The following SEZ6L2 variants were observed in gnomAD, a reference collection of about 807,000 sequenced individuals.
The protein encoded by SEZ6L2 is seizure related 6 homolog like 2, also known as seizure 6-like protein 2.
SEZ6L2 carries 44 observed loss-of-function variants against 97.0 expected under a neutral mutation model. The ratio of observed to expected loss-of-function variants is 0.45; its 90% confidence interval spans 0.36 to 0.58. The LOEUF (loss-of-function observed/expected upper bound fraction) is 0.58. SEZ6L2 is among the 20% of genes least tolerant of loss of function. SEZ6L2 has a pLI of 0.00. For missense variants in SEZ6L2, 1,086 were observed against 1,233.3 expected (o/e 0.88, Z 1.79); for synonymous variants, 543 against 546.1 (o/e 0.99, Z 0.08).
rs556364210 is a variant in SEZ6L2 at position 29,899,110 on chromosome 16, G to GTTT, written c.-94_-92dup. The stretch of plus-strand genomic sequence containing the variant: ...TCTCCGTTTATCTTTCCCTTTAATT[G>GTTT]TTTTTTTTTTTTTTTTTTTTTTCCT... On this transcript the variant is annotated 5_prime_UTR_variant, in exon 1 of 18. Transcript: ENST00000617533. 7.5e-4 allele frequency: 377 copies of GTTT among 500,754 alleles called. No homozygotes were observed. Among genetic ancestry groups the GTTT allele is most frequent in the South Asian group, 1.7e-3 (84 of 48,680 alleles). The allele number at this position is 500,754 out of a possible 1,614,324, so 31.0% of individuals were successfully genotyped here. A position where few individuals can be genotyped will look rare whatever the true frequency, so the allele number is the denominator to read the frequency against.
intron 10 of SEZ6L2, 43 bp downstream of exon 10, chr16:29,878,244 C>T (rs770186804): frequency 6.6e-7 from 1 of 1,524,818 alleles, no homozygotes; most frequent in Non-Finnish European, 8.9e-7. Context: ...CCACACTTTG[C>T]TGAGCCTACA....
chr16:29,899,056 T>C lies in SEZ6L2; in HGVS notation c.-37A>G. Reference sequence around the variant, plus strand: ...CCGATCTCTCTCCTCTGTGCCTCTCTAAGTAATCTGGCTGCCACCTTTCCT... The same window carrying C: ...CCGATCTCTCTCCTCTGTGCCTCTCCAAGTAATCTGGCTGCCACCTTTCCT... On this transcript the variant is annotated 5_prime_UTR_variant, in exon 1 of 18. Transcript: ENST00000617533. The C allele has an allele frequency of 6.8e-7, 1 of 1,466,506 alleles. No homozygotes were observed. The highest frequency in any genetic ancestry group is 9.4e-7 in the Non-Finnish European group (1 of 1,062,198). The allele number at this position is 1,466,506 out of a possible 1,614,324, so 90.8% of individuals were successfully genotyped here.
rs757724567 is a variant in SEZ6L2 at position 29,896,950 on chromosome 16, C to T, written c.383G>A (p.Gly128Glu). 31 of 1,599,284 alleles carry T rather than the reference C, an allele frequency of 1.9e-5. No individual in the cohort carries two copies. In the South Asian group the frequency reaches 3.1e-4, roughly 16 times the overall value. ...GCTGGGTGGGGGTGGGGCTGTGGTT[C>T]CTGGGGGCGGGGTCAGCAGTTCTGG... ...TAPELLTPPPGTTAPPPPSPA... is the reference protein window; with the variant it reads ...TAPELLTPPPETTAPPPPSPA... Residue 128 changes from glycine to glutamate, a missense_variant, in exon 3 of 18, where the codon GGA (glycine) becomes GAA (glutamate). Physicochemically the swap from Gly to Glu is moderately conservative, Grantham distance 98. Around this residue, in one of 2 missense-constraint regions of SEZ6L2, gnomAD observed 776 missense variants for 794.7 expected, o/e 0.98. Transcript: ENST00000617533.
At chr16:29,875,570 C>T (rs1398787156) in intron 12 of SEZ6L2, among the ~76,000 whole-genome samples, 1 of 152,154 alleles carries the variant, frequency 6.6e-6, no homozygotes, top group Admixed American at 6.5e-5. Context: ...ACTACAGCCC[C>T]ATGTCCTTGG....
Position 29,878,270 on chromosome 16 carries a change from G to T in SEZ6L2, c.1712+17C>A. The stretch of plus-strand genomic sequence containing the variant: ...TGAGCCTACACCCGTCGCACCCTCT[G>T]CAGGACCCAAACATACATCTCAACT... On this transcript the variant is annotated intron_variant, in intron 10 of 17. Coordinates refer to ENST00000617533, the MANE Select transcript of SEZ6L2 (RefSeq NM_001243332.2). 6.3e-7 allele frequency: 1 copy of T among 1,585,492 alleles called. No homozygotes were observed.
chr16:29,890,456 G>GC (rs1303692995), intron 5 of SEZ6L2, among the ~76,000 whole-genome samples: 3 of 152,150 alleles, frequency 2.0e-5, no homozygotes, highest in Admixed American at 2.0e-4. Context: ...TGACATTCAA[G>GC]CCCCTTCCAT....
intron 6 of SEZ6L2, among the ~76,000 whole-genome samples, chr16:29,888,263 C>A (rs2068190176): frequency 6.6e-6 from 1 of 152,084 alleles, no homozygotes; most frequent in Non-Finnish European, 1.5e-5. Context: ...GATGAGGACG[C>A]TACCCCAGAA....
intron 3 of SEZ6L2, 47 bp downstream of exon 3, chr16:29,896,775 T>C: frequency 2.6e-6 from 4 of 1,563,652 alleles, no homozygotes; most frequent in Non-Finnish European, 3.5e-6. Flanking sequence ...ATCCCCAGCG[T>C]GTACCTCTCC....
In SEZ6L2 at chr16:29,875,261, A is replaced by ACTT. The variant is rs551325521; in HGVS notation, c.2104+1492_2104+1494dup. On this transcript the variant is annotated intron_variant, in intron 12 of 17. Transcript: ENST00000617533. ...GCCCAGGGCTCAGGGCGGTCAAAGGACTTGGCCCATGGTCATTCAGCCAGG... is the reference window on the plus strand; with the variant it reads ...GCCCAGGGCTCAGGGCGGTCAAAGGACTTCTTGGCCCATGGTCATTCAGCCAGG... 5.5e-4 allele frequency among the ~76,000 whole-genome samples: 84 copies of ACTT among 152,272 alleles called. 1 individual carries two copies. The South Asian group carries it at 0.017, about 31-fold the overall frequency.
rs184350957 is a variant in SEZ6L2, at chr16:29,898,372, G to T, written c.80-388C>A. On this transcript the variant is annotated intron_variant, in intron 1 of 17. Coordinates refer to ENST00000617533, the MANE Select transcript of SEZ6L2 (RefSeq NM_001243332.2). ...GCCGCACCTCCCAGCCCTTGCTTCC[G>T]CAGTGCCTGGCTTTCTCTCTGGGTT... Among the ~76,000 whole-genome samples the T allele has an allele frequency of 7.2e-5, 11 of 152,106 alleles. No individual in the cohort carries two copies. In the South Asian group the frequency reaches 2.1e-3, roughly 29 times the overall value.
chr16:29,872,730 C>A lies in SEZ6L2; in HGVS notation c.2502G>T (p.Glu834Asp), dbSNP rs758349742. ...QPPLCKVAYEELLDNRKLEVT... is the reference protein window; with the variant it reads ...QPPLCKVAYEDLLDNRKLEVT... ...CTTCCAGTTTTCGGTTGTCCAGGAG[C>A]TCCTCATAGGCAACTGCAGGGAGAG... The change falls in exon 15 of 18, where the codon GAG (glutamate) becomes GAT (aspartate). Residue 834 changes from glutamate to aspartate, a missense_variant. This residue lies in a region of SEZ6L2 where 310 missense variants were observed against 438.6 expected (regional missense o/e 0.71). Coordinates refer to ENST00000617533, the MANE Select transcript of SEZ6L2 (RefSeq NM_001243332.2). The A allele has an allele frequency of 1.1e-5, 18 of 1,612,810 alleles. No homozygotes were observed. Among genetic ancestry groups the A allele is most frequent in the Non-Finnish European group, 1.4e-5 (17 of 1,179,758 alleles).
chr16:29,895,145 C>T, intron 5 of SEZ6L2, 114 bp downstream of exon 5: 1 of 919,382 alleles, frequency 1.1e-6, no homozygotes, highest in Non-Finnish European at 1.6e-6. Flanking sequence ...CGCCACTGAC[C>T]TCCAGTCTGG....
rs2067808589 is a variant in SEZ6L2, at chr16:29,872,616, C to T, written c.2527+89G>A. The T allele has an allele frequency of 2.5e-6, 4 of 1,597,608 alleles. No homozygotes were observed. In the South Asian group the frequency reaches 3.3e-5, roughly 13 times the overall value. Reference sequence around the variant, plus strand: ...GCCCTGGGCCTCAAACCCTGGGCTTCATCCCTCCAAGGCCTGGCCTCCTGC... The same window carrying T: ...GCCCTGGGCCTCAAACCCTGGGCTTTATCCCTCCAAGGCCTGGCCTCCTGC... On this transcript the variant is annotated intron_variant, in intron 15 of 17. Transcript: ENST00000617533.
In SEZ6L2 at chr16:29,872,199, C is replaced by T. The variant is rs1410840093; in HGVS notation, c.2730G>A (p.Leu910=). ...ITVESDFSNP[L]YEAGDTREYE... ...GCAAGGTGCTTACCCCAGCTTCATA[C>T]AGCGGGTTGCTGAAGTCCGACTCCA... Residue 910 remains leucine (L), a synonymous_variant, in exon 17 of 18, where the codon CTG becomes CTA. Transcript: ENST00000617533. 6.2e-7 allele frequency: 1 copy of T among 1,606,594 alleles called. No individual in the cohort carries two copies. The highest frequency in any genetic ancestry group is 8.5e-7 in the Non-Finnish European group (1 of 1,176,376).
At position 29,871,620 on chromosome 16, in the gene SEZ6L2, G is replaced by C. The variant is rs2067782036; in HGVS notation, c.*79C>G. On this transcript the variant is annotated 3_prime_UTR_variant, in exon 18 of 18. Coordinates refer to ENST00000617533, the MANE Select transcript of SEZ6L2 (RefSeq NM_001243332.2). ...CAGGGAGGAGGGCAGCCAGGAGGCA[G>C]AGACCGGGTCCCGTATTTCCCTCTG... 8 of 1,450,048 alleles carry C rather than the reference G, an allele frequency of 5.5e-6. No individual in the cohort carries two copies. In the South Asian group the frequency reaches 9.7e-5, roughly 18 times the overall value. The allele number at this position is 1,450,048 out of a possible 1,614,324, so 89.8% of individuals were successfully genotyped here. A position where few individuals can be genotyped will look rare whatever the true frequency, so the allele number is the denominator to read the frequency against.
At chr16:29,878,505 T>C (rs2067958528) in intron 9 of SEZ6L2, 80 bp from the exon 10 acceptor site, 17 of 1,274,730 alleles carry the variant, frequency 1.3e-5, no homozygotes, top group East Asian at 2.6e-5. Flanking sequence ...CCACTCGTGA[T>C]GCGTGCACCA....
intron 6 of SEZ6L2, 58 bp from the exon 7 acceptor site, chr16:29,887,875 G>C: frequency 1.3e-6 from 2 of 1,575,348 alleles, no homozygotes; most frequent in South Asian, 1.1e-5. Context: ...CCTTCTCCTC[G>C]GGGCCTCGGC....
At position 29,873,461 on chromosome 16, in the gene SEZ6L2, C is replaced by T; in HGVS notation, c.2297-30G>A. On this transcript the variant is annotated intron_variant, in intron 13 of 17. Transcript: ENST00000617533. The surrounding 1 kb of genome is among the most constrained non-coding windows in gnomAD (Gnocchi z 4.3). ...GGGGAGCATGCCAGTCACGTGCCAG[C>T]TGCACTACTGTGCACGGGGCAGACG... The T allele has an allele frequency of 6.2e-7, 1 of 1,614,014 alleles. No homozygotes were observed. Among genetic ancestry groups the T allele is most frequent in the Non-Finnish European group, 8.5e-7 (1 of 1,179,888 alleles).
chr16:29,877,465 A>G lies in SEZ6L2; in HGVS notation c.1715T>C (p.Leu572Ser). The G allele has an allele frequency of 6.3e-7, 1 of 1,588,626 alleles. No individual in the cohort carries two copies. The highest frequency in any genetic ancestry group is 8.6e-7 in the Non-Finnish European group (1 of 1,166,790). The change falls in exon 11 of 18, where the codon TTG becomes TCG. Residue 572 changes from leucine to serine, a missense_variant and splice_region_variant. Physicochemically the swap from Leu to Ser is moderately radical, Grantham distance 145 (BLOSUM62 -2). Coordinates refer to ENST00000617533, the MANE Select transcript of SEZ6L2 (RefSeq NM_001243332.2). ...EKRILLQVEI[L>S]NVREGDMLTL... ...CAGCATGTCCCCTTCCCGCACATTC[A>G]ATCTGCAGGGGGTGAGACCAGGCAA...
Sources: allele counts gnomAD v4.1 joint callset (sites outside exome capture counted in the v4.1 genomes callset), GRCh38; gene constraint gnomAD v4.1.1; regional missense constraint gnomAD v4.1.1; non-coding constraint Gnocchi (gnomAD v3.1); transcripts MANE v1.5; gene names NCBI Gene and HGNC (gene_info 2026-07-23, HGNC 2026-07-21).